The following USP49 variants were observed in gnomAD, a reference collection of about 807,000 sequenced individuals.
USP49 encodes ubiquitin specific peptidase 49.
In USP49, 24 loss-of-function variants were observed where a neutral mutation model predicts 58.6. That is an observed-to-expected ratio of 0.41 (90% confidence interval 0.30 to 0.58). The LOEUF (loss-of-function observed/expected upper bound fraction) is 0.58. Among genes scored for constraint, USP49 ranks in the 20% least tolerant of loss-of-function variants. The probability of loss-of-function intolerance (pLI) is 0.30; values close to 1 mark genes in which losing one functional copy is unlikely to be tolerated. For missense variants in USP49, 703 were observed against 866.1 expected (o/e 0.81, Z 2.36); for synonymous variants, 408 against 365.1 (o/e 1.12, Z -1.34).
chr6:41,856,349 T>C (rs150245727), intron 3 of USP49, among the ~76,000 whole-genome samples: 2,495 of 150,616 alleles, frequency 0.017, 54 homozygotes, highest in African/African-American at 0.051. Flanking sequence ...GACTCCAGCC[T>C]GGGCGACAGA....
intron 2 of USP49, among the ~76,000 whole-genome samples, chr6:41,886,211 C>CCTTTTT (rs368559651): frequency 1.3e-5 from 2 of 152,168 alleles, no homozygotes; most frequent in East Asian, 3.9e-4. Flanking sequence ...TGTATTAGAA[C>CCTTTTT]ATAAAAAAGG....
chr6:41,870,390 C>G (rs906514762), intron 3 of USP49, among the ~76,000 whole-genome samples: 3 of 152,132 alleles, frequency 2.0e-5, no homozygotes, highest in Non-Finnish European at 4.4e-5. Flanking sequence ...ATGCCATATA[C>G]TTATAGACTC....
rs999288165 is a variant in USP49 at position 41,803,043 on chromosome 6, A to C, written c.1561+763T>G. On this transcript the variant is annotated intron_variant, in intron 5 of 7. Transcript: ENST00000682992. This position sits in a 1 kb window ranked among gnomAD's most constrained non-coding sequence, Gnocchi z 4.1. ...TTAGCATCACTTTTGACAGACATTA[A>C]GTCTACCAGTTCAGTACAAAAGCTT... 6.6e-6 allele frequency among the ~76,000 whole-genome samples: 1 copy of C among 152,224 alleles called. No individual in the cohort carries two copies. Among genetic ancestry groups the C allele is most frequent in the African/African-American group, 2.4e-5 (1 of 41,466 alleles).
At chr6:41,799,991 T>A in intron 5 of USP49, 53 bp from the exon 6 acceptor site, 2 of 1,506,664 alleles carry the variant, frequency 1.3e-6, no homozygotes, top group Non-Finnish European at 1.8e-6. Context: ...TTTTTCTAGC[T>A]ATGGCAGAGA....
intron 2 of USP49, among the ~76,000 whole-genome samples, chr6:41,885,538 T>G (rs943317409): frequency 1.2e-4 from 18 of 152,090 alleles, no homozygotes; most frequent in African/African-American, 3.9e-4. Flanking sequence ...ACTGTAACCT[T>G]GAACTCCTGG....
chr6:41,820,786 GC>G (rs1185997509), intron 3 of USP49, among the ~76,000 whole-genome samples: 4 of 152,096 alleles, frequency 2.6e-5, no homozygotes, highest in Non-Finnish European at 5.9e-5. Context: ...GATCACTTCA[GC>G]CCAGGAGTTC....
At chr6:41,817,676 C>CAT (rs910793268) in intron 3 of USP49, among the ~76,000 whole-genome samples, 39 of 151,914 alleles carry the variant, frequency 2.6e-4, no homozygotes, top group Non-Finnish European at 4.4e-4. Flanking sequence ...AGTGCAGTGG[C>CAT]GCTATCTCAG....
intron 3 of USP49, among the ~76,000 whole-genome samples, chr6:41,860,154 C>A (rs926973921): frequency 2.0e-5 from 3 of 152,142 alleles, no homozygotes; most frequent in Non-Finnish European, 4.4e-5. Flanking sequence ...GGGATACAGT[C>A]ACCAGTATTC....
intron 3 of USP49, among the ~76,000 whole-genome samples, chr6:41,871,147 C>T (rs1196288464): frequency 6.6e-6 from 1 of 152,188 alleles, no homozygotes; most frequent in Non-Finnish European, 1.5e-5. Flanking sequence ...ACCAGACACA[C>T]ATCTGCACTT....
rs1772840357 is a variant in USP49, at chr6:41,793,776, T to A, written c.*2757A>T. The A allele has an allele frequency of 6.6e-6, 1 of 152,140 alleles. No individual in the cohort carries two copies. The highest frequency in any genetic ancestry group is 1.5e-5 in the Non-Finnish European group (1 of 68,006). The allele number at this position is 152,140 out of a possible 1,614,324, so 9.4% of individuals were successfully genotyped here. A position where few individuals can be genotyped will look rare whatever the true frequency, so the allele number is the denominator to read the frequency against. ...GCTAGATTGAGGTAAAAAAAAATCC[T>A]TTTTGAGGGCCTAGGTGCACTCATC... On this transcript the variant is annotated 3_prime_UTR_variant, in exon 8 of 8. Transcript: ENST00000682992.
At chr6:41,825,299 C>T (rs980693836) in intron 3 of USP49, among the ~76,000 whole-genome samples, 1 of 152,036 alleles carries the variant, frequency 6.6e-6, no homozygotes, top group South Asian at 2.1e-4. Flanking sequence ...AGAGCTCAGG[C>T]GTATGATACT....
chr6:41,887,445 AT>A (rs1300015429), intron 2 of USP49: 1 of 152,172 alleles, frequency 6.6e-6, no homozygotes, highest in East Asian at 1.9e-4. Flanking sequence ...TCCTCCCCAA[AT>A]CCCACAACAC....
intron 3 of USP49, among the ~76,000 whole-genome samples, chr6:41,811,272 G>C (rs887689899): frequency 2.0e-5 from 3 of 152,148 alleles, no homozygotes; most frequent in South Asian, 2.1e-4. Flanking sequence ...AAGATATACA[G>C]TAGCCTCCCT....
chr6:41,829,014 TC>T (rs1397382971), intron 3 of USP49, among the ~76,000 whole-genome samples: 1 of 152,162 alleles, frequency 6.6e-6, no homozygotes, highest in East Asian at 1.9e-4. Context: ...TTATGTTTTC[TC>T]CCCAAGATAT....
chr6:41,831,337 C>A (rs1166179774), intron 3 of USP49, among the ~76,000 whole-genome samples: 3 of 151,990 alleles, frequency 2.0e-5, no homozygotes, highest in Non-Finnish European at 4.4e-5. Context: ...TTGCAGTGAG[C>A]CGAGATTGTG....
intron 3 of USP49, among the ~76,000 whole-genome samples, chr6:41,853,170 G>A (rs900034534): frequency 6.6e-6 from 1 of 152,046 alleles, no homozygotes; most frequent in East Asian, 1.9e-4. Flanking sequence ...TGGGCAACAA[G>A]AGCGAAACTC....
In USP49 at chr6:41,806,909, G is replaced by A; in HGVS notation, c.75C>T (p.Cys25=). ...ACTCGGTGGTGGCACACTCTAAGCA[G>A]CACCACTTCTGAGGGTTCAGGATGG... ...DHSILNPQKW[C]CLECATTESV... The change falls in exon 4 of 8, where the codon TGC becomes TGT. Residue 25 remains cysteine (C), a synonymous_variant. Coordinates refer to ENST00000682992, the MANE Select transcript of USP49 (RefSeq NM_001286554.2). The surrounding 1 kb of genome is among the most constrained non-coding windows in gnomAD (Gnocchi z 5.9). The A allele has an allele frequency of 6.2e-7, 1 of 1,613,724 alleles. No homozygotes were observed. Among genetic ancestry groups the A allele is most frequent in the African/African-American group, 1.3e-5 (1 of 74,972 alleles).
intron 7 of USP49, chr6:41,797,534 G>T: frequency 1.4e-6 from 1 of 728,256 alleles, no homozygotes; most frequent in Non-Finnish European, 1.7e-6. Context: ...CAGTGCAGTA[G>T]CTGGAAGACT....
chr6:41,821,562 C>G (rs560181069), intron 3 of USP49, among the ~76,000 whole-genome samples: 22 of 152,240 alleles, frequency 1.4e-4, no homozygotes, highest in Non-Finnish European at 2.6e-4. Context: ...CATTTGAGGT[C>G]AGGAGTTCAG....
Sources: allele counts gnomAD v4.1 joint callset (sites outside exome capture counted in the v4.1 genomes callset), GRCh38; gene constraint gnomAD v4.1.1; non-coding constraint Gnocchi (gnomAD v3.1); transcripts MANE v1.5; gene names NCBI Gene and HGNC (gene_info 2026-07-23, HGNC 2026-07-21).